ATAD2B: variants seen among roughly 807,000 people sequenced by gnomAD.
ATAD2B encodes ATPase family AAA domain-containing protein 2B.
ATAD2B carries 40 observed loss-of-function variants against 167.6 expected under a neutral mutation model. The observed-to-expected ratio is 0.24, with a 90% confidence interval of 0.19 to 0.31. The LOEUF is 0.31. Among genes scored for constraint, ATAD2B ranks in the 10% least tolerant of loss-of-function variants. ATAD2B has a pLI of 1.00. For missense variants in ATAD2B, 1,242 were observed against 1,757.2 expected (o/e 0.71, Z 5.24); for synonymous variants, 579 against 596.5 (o/e 0.97, Z 0.43).
At chr2:23,851,438 GT>G (rs1692551006) in intron 13 of ATAD2B, among the ~76,000 whole-genome samples, 1 of 152,216 alleles carries the variant, frequency 6.6e-6, no homozygotes, top group Non-Finnish European at 1.5e-5. Flanking sequence ...ACTGTGCCCA[GT>G]CATGAATAGT....
At chr2:23,887,345 C>A (rs1053372883) in intron 4 of ATAD2B, among the ~76,000 whole-genome samples, 1 of 152,126 alleles carries the variant, frequency 6.6e-6, no homozygotes, top group Admixed American at 6.6e-5. Flanking sequence ...CAGTCTCCAG[C>A]CACCACACTT....
At position 23,751,655 on chromosome 2, in the gene ATAD2B, A is replaced by C; in HGVS notation, c.*391T>G. The C allele has an allele frequency of 5.5e-6, 1 of 182,656 alleles. No individual in the cohort carries two copies. 11.3% of individuals were successfully genotyped at this position (182,656 alleles called of 1,614,324 possible). A position where few individuals can be genotyped will look rare whatever the true frequency, so the allele number is the denominator to read the frequency against. ...AAAAATAACAAGTTGCCCACTGTTT[A>C]AACAATTCAACACAGTTAGAACTGC... On this transcript the variant is annotated 3_prime_UTR_variant, in exon 28 of 28. Transcript: ENST00000238789.
At chr2:23,746,141 C>A (rs927714971), downstream of ATAD2B, among the ~76,000 whole-genome samples, 1 of 152,114 alleles carries the variant, frequency 6.6e-6, no homozygotes, top group Admixed American at 6.6e-5. Flanking sequence ...ACCTACAGTG[C>A]CTAATATAAA....
At chr2:23,791,701 A>C (rs369581889) in intron 19 of ATAD2B, among the ~76,000 whole-genome samples, 124 of 152,314 alleles carry the variant, frequency 8.1e-4, no homozygotes, top group South Asian at 2.1e-3. Flanking sequence ...CCATGTTACA[A>C]CATGCATCAA....
chr2:23,735,084 A>G, the ATAD2B span, among the ~76,000 whole-genome samples: 1 of 152,178 alleles, frequency 6.6e-6, no homozygotes, highest in Admixed American at 6.5e-5. Flanking sequence ...GGTACTGTTC[A>G]AAAACATTGT....
At chr2:23,805,937 TTTC>T (rs1224316587) in intron 18 of ATAD2B, among the ~76,000 whole-genome samples, 1 of 152,186 alleles carries the variant, frequency 6.6e-6, no homozygotes, top group East Asian at 1.9e-4. Context: ...ATTGCTATTC[TTTC>T]TTCTTACTGA....
intron 16 of ATAD2B, among the ~76,000 whole-genome samples, chr2:23,822,281 T>C (rs1386464956): frequency 6.6e-6 from 1 of 152,166 alleles, no homozygotes; most frequent in African/African-American, 2.4e-5. Context: ...ACATCTCTAA[T>C]CCCAGCACTT....
chr2:23,813,511 G>T (rs534006882), intron 17 of ATAD2B, among the ~76,000 whole-genome samples: 16 of 151,530 alleles, frequency 1.1e-4, no homozygotes, highest in African/African-American at 3.6e-4. Flanking sequence ...GCGGTGGGGG[G>T]ATCATTTGAG....
At chr2:23,887,785 A>C (rs574048476) in intron 4 of ATAD2B, 47 bp downstream of exon 4, 47 of 1,475,148 alleles carry the variant, frequency 3.2e-5, no homozygotes, top group Non-Finnish European at 4.2e-5. Flanking sequence ...TAACTGTCTT[A>C]AAAACCAAAT....
At chr2:23,816,217 A>G (rs1436008282) in intron 17 of ATAD2B, among the ~76,000 whole-genome samples, 1 of 152,248 alleles carries the variant, frequency 6.6e-6, no homozygotes, top group Non-Finnish European at 1.5e-5. Context: ...AAACTAGTAC[A>G]AGCCTTCTGG....
chr2:23,873,495 C>T (rs556438027), intron 8 of ATAD2B, among the ~76,000 whole-genome samples: 1 of 152,342 alleles, frequency 6.6e-6, no homozygotes, highest in African/African-American at 2.4e-5. Context: ...CATCCTCCCA[C>T]ACACTTTTTT....
chr2:23,701,323 C>A, the ATAD2B span, among the ~76,000 whole-genome samples: 4 of 152,226 alleles, frequency 2.6e-5, no homozygotes, highest in African/African-American at 4.8e-5. Flanking sequence ...AACTAGTCTC[C>A]CCGCTTCTGA....
intron 14 of ATAD2B, among the ~76,000 whole-genome samples, chr2:23,832,939 T>A (rs1457912912): frequency 6.6e-6 from 1 of 152,230 alleles, no homozygotes; most frequent in East Asian, 1.9e-4. Flanking sequence ...CTACTACAAA[T>A]AAACACACCA....
the ATAD2B span, among the ~76,000 whole-genome samples, chr2:23,699,013 T>G: frequency 6.6e-6 from 1 of 152,262 alleles, no homozygotes; most frequent in Non-Finnish European, 1.5e-5. Flanking sequence ...CTTCTGACAC[T>G]GTCCAAAAAG....
At chr2:23,921,775 C>A (rs1409296652) in intron 1 of ATAD2B, among the ~76,000 whole-genome samples, 1 of 152,094 alleles carries the variant, frequency 6.6e-6, no homozygotes, top group African/African-American at 2.4e-5. Context: ...TATATTGTAC[C>A]TATATTGTAC....
chr2:23,835,625 TG>T (rs992056570), intron 13 of ATAD2B, among the ~76,000 whole-genome samples: 3 of 152,262 alleles, frequency 2.0e-5, no homozygotes, highest in Admixed American at 1.3e-4. Flanking sequence ...TGAAAGTCAC[TG>T]AACTATGCAG....
the ATAD2B span, among the ~76,000 whole-genome samples, chr2:23,723,932 T>C: frequency 1.3e-5 from 2 of 152,302 alleles, no homozygotes; most frequent in Admixed American, 1.3e-4. Flanking sequence ...TGGAATACTA[T>C]TCAGCCATAA....
Position 23,915,471 on chromosome 2 carries a change from T to C in ATAD2B, c.216+11084A>G, listed in dbSNP as rs144502684. On this transcript the variant is annotated intron_variant, in intron 1 of 27. Transcript: ENST00000238789. ...AAAAAAAAAAAATCCAACTCACTAT[T>C]TAAAAAAAAAGCGTATTGCTATATT... 3.5e-3 allele frequency among the ~76,000 whole-genome samples: 523 copies of C among 150,836 alleles called. 4 individuals are homozygous for C. The highest frequency in any genetic ancestry group is 0.012 in the African/African-American group (508 of 41,234).
At chr2:23,819,199 T>TA (rs1469740145) in intron 17 of ATAD2B, among the ~76,000 whole-genome samples, 10 of 151,928 alleles carry the variant, frequency 6.6e-5, no homozygotes, top group African/African-American at 1.9e-4. Context: ...ACCATTACTT[T>TA]AAAAAAAAGT....
Sources: allele counts gnomAD v4.1 joint callset (sites outside exome capture counted in the v4.1 genomes callset), GRCh38; gene constraint gnomAD v4.1.1; transcripts MANE v1.5; gene names NCBI Gene and HGNC (gene_info 2026-07-23, HGNC 2026-07-21).